PIK3C2A: variants seen among roughly 807,000 people sequenced by gnomAD.
The protein encoded by PIK3C2A is phosphatidylinositol 4-phosphate 3-kinase C2 domain-containing subunit alpha.
In PIK3C2A, 97 loss-of-function variants were observed where a neutral mutation model predicts 204.5. The ratio of observed to expected loss-of-function variants is 0.47; its 90% CI spans 0.40 to 0.56. The LOEUF (loss-of-function observed/expected upper bound fraction) is 0.56. Ranked by LOEUF, PIK3C2A falls within the 20% of genes least tolerant of loss-of-function variation. PIK3C2A has a pLI of 0.00. For missense variants in PIK3C2A, 1,735 were observed against 1,969.2 expected, an observed-to-expected ratio of 0.88 and a Z score of 2.25; for synonymous variants, 653 against 664.4, an observed-to-expected ratio of 0.98 and a Z score of 0.26.
intron 1 of PIK3C2A, among the ~76,000 whole-genome samples, chr11:17,172,729 T>C (rs1321666259): frequency 6.6e-6 from 1 of 152,232 alleles, no homozygotes; most frequent in East Asian, 1.9e-4. Context: ...CCTCCATGTG[T>C]ATCCTTAACC....
intron 8 of PIK3C2A, chr11:17,141,482 A>T (rs930689891): frequency 6.6e-6 from 1 of 152,074 alleles, no homozygotes; most frequent in Non-Finnish European, 1.5e-5. Context: ...AATAATTTTA[A>T]ATTTATAGAC....
intron 1 of PIK3C2A, among the ~76,000 whole-genome samples, chr11:17,190,744 A>C (rs2137549864): frequency 6.6e-6 from 1 of 152,270 alleles, no homozygotes; most frequent in Admixed American, 6.5e-5. Context: ...GACTAAGCAG[A>C]AGGATTGATA....
chr11:17,097,346 CT>C, intron 26 of PIK3C2A, 82 bp from the exon 27 acceptor site: 2 of 794,318 alleles, frequency 2.5e-6, no homozygotes, highest in South Asian at 3.3e-5. Context: ...ACAAAAACCA[CT>C]TTCATTCCTT....
intron 1 of PIK3C2A, among the ~76,000 whole-genome samples, chr11:17,181,750 AT>A (rs1358674817): frequency 6.6e-6 from 1 of 151,698 alleles, no homozygotes; most frequent in Non-Finnish European, 1.5e-5. Flanking sequence ...AAACTATTTT[AT>A]TTAAGAATGC....
chr11:17,188,870 G>A (rs1396617534), intron 1 of PIK3C2A, among the ~76,000 whole-genome samples: 1 of 146,902 alleles, frequency 6.8e-6, no homozygotes, highest in Non-Finnish European at 1.5e-5. Flanking sequence ...GTGGAGGCAA[G>A]AGCTGAGAAA....
At chr11:17,140,610 T>C (rs1335731956) in intron 8 of PIK3C2A, among the ~76,000 whole-genome samples, 1 of 152,248 alleles carries the variant, frequency 6.6e-6, no homozygotes, top group East Asian at 1.9e-4. Flanking sequence ...GGCAAAGCTA[T>C]AGAAATAGGA....
chr11:17,160,987 C>A (rs577870698), intron 2 of PIK3C2A, among the ~76,000 whole-genome samples: 1 of 152,260 alleles, frequency 6.6e-6, no homozygotes, highest in East Asian at 1.9e-4. Context: ...GCAGTTCACA[C>A]ATGGATGGCC....
chr11:17,169,563 C>G lies in PIK3C2A; in HGVS notation c.179G>C (p.Ser60Thr), dbSNP rs768515208. 39 of 1,613,960 alleles carry G rather than the reference C, an allele frequency of 2.4e-5. No individual in the cohort carries two copies. Among genetic ancestry groups the G allele is most frequent in the Non-Finnish European group, 3.0e-5 (35 of 1,180,020 alleles). The part of the protein sequence containing the change: ...DNQRGFELSS[S>T]TRKKAQVYNK... ...ATAAACCTGTGCTTTTTTTCTGGTG[C>G]TGCTTGACAACTCAAAGCCTCTCTG... is the stretch of plus-strand genomic sequence containing the variant. Residue 60 changes from serine (S) to threonine (T), a missense_variant, in exon 2 of 33, where the codon AGC (serine) becomes ACC (threonine). Physicochemically the swap from Ser to Thr is moderately conservative, Grantham distance 58. Around this residue, in one of 6 missense-constraint regions of PIK3C2A, gnomAD observed 536 missense variants for 546.7 expected, o/e 0.98. Transcript: ENST00000691414.
At chr11:17,160,672 A>G (rs1850744798) in intron 2 of PIK3C2A, among the ~76,000 whole-genome samples, 1 of 152,062 alleles carries the variant, frequency 6.6e-6, no homozygotes, top group Non-Finnish European at 1.5e-5. Context: ...CAATATACAA[A>G]ACTTAGCTAG....
At chr11:17,119,196 G>A (rs1229795299) in intron 17 of PIK3C2A, 24 bp downstream of exon 17, 1 of 1,219,360 alleles carries the variant, frequency 8.2e-7, no homozygotes, top group Admixed American at 1.7e-5. Context: ...AGTATAAAGG[G>A]AGGTAATCTA....
intron 19 of PIK3C2A, among the ~76,000 whole-genome samples, chr11:17,116,924 A>C (rs1396552508): frequency 2.0e-5 from 3 of 152,296 alleles, no homozygotes; most frequent in East Asian, 3.9e-4. Context: ...AAGTGGAAAC[A>C]ACCCAAATGT....
In PIK3C2A at chr11:17,102,789, C is replaced by A; in HGVS notation, c.3724G>T (p.Ala1242Ser). ...TCACAGATGCCTAAAACATAGGTGG[C>A]TACACAGCATCCAGCACAGGAATAG... ...FIYSCAGCCV[A>S]TYVLGICDRH... The change falls in exon 24 of 33, where the codon GCC (alanine) becomes TCC (serine). Residue 1242 changes from alanine to serine, a missense_variant. Ala to Ser is a moderately conservative substitution (Grantham distance 99). Coordinates refer to ENST00000691414, the MANE Select transcript of PIK3C2A (RefSeq NM_002645.4). 3 of 1,612,032 alleles carry A rather than the reference C, an allele frequency of 1.9e-6. No individual in the cohort carries two copies. Among genetic ancestry groups the A allele is most frequent in the Non-Finnish European group, 2.5e-6 (3 of 1,178,244 alleles).
rs769654601 is a variant in PIK3C2A, at chr11:17,169,112, T to G, written c.630A>C (p.Gly210=). 1.9e-6 allele frequency: 3 copies of G among 1,614,218 alleles called. No individual in the cohort carries two copies. The highest frequency in any genetic ancestry group is 2.5e-6 in the Non-Finnish European group (3 of 1,180,036). ...LTPATPFHPQ[G]SLPIYRPVVS... ...CTACTGGACGATAGATAGGTAAGCT[T>G]CCTTGTGGATGAAAGGGTGTGGCAG... Residue 210 remains glycine, a synonymous_variant, in exon 2 of 33, where the codon GGA becomes GGC. Coordinates refer to ENST00000691414, the MANE Select transcript of PIK3C2A (RefSeq NM_002645.4).
intron 2 of PIK3C2A, among the ~76,000 whole-genome samples, chr11:17,164,276 T>C (rs748570646): frequency 6.6e-6 from 1 of 150,538 alleles, no homozygotes; most frequent in African/African-American, 2.5e-5. Context: ...CACTTGAGTA[T>C]GGGAGGTAGA....
chr11:17,119,903 G>A lies in PIK3C2A; in HGVS notation c.2729C>T (p.Pro910Leu). Reference sequence around the variant, plus strand: ...GTTTGGGGCGCTTGCTAATATTTTAGGAAGACAATTTGGGTGTTTGAAGCA... The same window carrying A: ...GTTTGGGGCGCTTGCTAATATTTTAAGAAGACAATTTGGGTGTTTGAAGCA... ...YYCFKHPNCL[P>L]KILASAPNWK... is the part of the protein sequence containing the mutation. The change falls in exon 16 of 33, where the codon CCT (proline) becomes CTT (leucine). Residue 910 changes from proline (P) to leucine (L), a missense_variant. By Grantham distance (98) the Pro-to-Leu change is moderately conservative. Transcript: ENST00000691414. 1.9e-6 allele frequency: 3 copies of A among 1,611,324 alleles called. No individual in the cohort carries two copies. Among genetic ancestry groups the A allele is most frequent in the Non-Finnish European group, 2.5e-6 (3 of 1,178,454 alleles).
intron 17 of PIK3C2A, 99 bp from the exon 18 acceptor site, chr11:17,118,838 C>T: frequency 1.6e-6 from 1 of 613,410 alleles, no homozygotes; most frequent in Non-Finnish European, 2.9e-6. Flanking sequence ...AAGTATTACT[C>T]TTACTGATGA....
chr11:17,096,927 T>C, intron 27 of PIK3C2A, 130 bp downstream of exon 27: 1 of 615,308 alleles, frequency 1.6e-6, no homozygotes, highest in South Asian at 2.1e-5. Context: ...TACTTATTTA[T>C]GGACCATTCA....
At chr11:17,175,751 CA>C (rs2137507706) in intron 1 of PIK3C2A, among the ~76,000 whole-genome samples, 1 of 152,266 alleles carries the variant, frequency 6.6e-6, no homozygotes, top group Non-Finnish European at 1.5e-5. Context: ...TATCCCAAAA[CA>C]GAAGAATTAA....
rs1175391711 is a variant in PIK3C2A, at chr11:17,168,793, A to T, written c.949T>A (p.Cys317Ser). The change falls in exon 2 of 33, where the codon TGT (cysteine) becomes AGT (serine). Residue 317 changes from cysteine (C) to serine (S), a missense_variant. Coordinates refer to ENST00000691414, the MANE Select transcript of PIK3C2A (RefSeq NM_002645.4). ...VLLEERSTAN[C>S]HLERKVNGKS... ...CCATTCACCTTTCTTTCAAGATGAC[A>T]ATTTGCTGTCGATCTCTCTTCAAGA... The T allele has an allele frequency of 6.2e-7, 1 of 1,614,040 alleles. No homozygotes were observed. The highest frequency in any genetic ancestry group is 1.3e-5 in the African/African-American group (1 of 75,018).
Sources: gnomAD v4.1 joint callset for allele counts (sites outside exome capture counted in the v4.1 genomes callset) on GRCh38, gnomAD v4.1.1 for gene constraint, gnomAD v4.1.1 regional missense constraint, MANE v1.5 for transcripts, NCBI Gene and HGNC (gene_info 2026-07-23, HGNC 2026-07-21) for gene names.